The following ZGRF1 variants were observed in gnomAD, a reference collection of about 807,000 sequenced individuals.
ZGRF1 encodes the protein 5'-3' DNA helicase ZGRF1.
A neutral mutation model predicts 203.5 loss-of-function variants in ZGRF1; 196 were observed. That is an observed-to-expected ratio of 0.96 (90% CI 0.86 to 1.08). The LOEUF is 1.08. Among genes scored for constraint, ZGRF1 ranks in the 50% least tolerant of loss-of-function variants. ZGRF1 has a pLI of 0.00. For synonymous variants in ZGRF1, 809 were observed against 841.3 expected (o/e 0.96, Z 0.66); for missense variants, 2,326 against 2,416.3 (o/e 0.96, Z 0.78).
At chr4:112,551,102 C>G (rs535040395) in intron 22 of ZGRF1, among the ~76,000 whole-genome samples, 1 of 152,212 alleles carries the variant, frequency 6.6e-6, no homozygotes, top group South Asian at 2.1e-4. Context: ...TACAGGTGTA[C>G]CATTTTAAAT....
At chr4:112,635,348 C>A (rs1173389134) in intron 1 of ZGRF1, among the ~76,000 whole-genome samples, 1 of 151,918 alleles carries the variant, frequency 6.6e-6, no homozygotes, top group Non-Finnish European at 1.5e-5. Context: ...TAATAGCTAC[C>A]ATTTATTCAG....
Position 112,550,203 on chromosome 4 carries a change from A to C in ZGRF1, c.5347-1823T>G, listed in dbSNP as rs907056705. Among the ~76,000 whole-genome samples the C allele has an allele frequency of 2.7e-5, 4 of 150,850 alleles. No homozygotes were observed. The East Asian group carries it at 7.7e-4, about 29-fold the overall frequency. Reference sequence around the variant, plus strand: ...CGAGACTCCATCTCAAAAAAAAAACAACAAAAAAAACTTTCTAGTGGGACA... The same window carrying C: ...CGAGACTCCATCTCAAAAAAAAAACCACAAAAAAAACTTTCTAGTGGGACA... On this transcript the variant is annotated intron_variant, in intron 22 of 27. Transcript: ENST00000505019.
chr4:112,625,722 C>T lies in ZGRF1; in HGVS notation c.103-1846G>A, dbSNP rs1223651795. On this transcript the variant is annotated intron_variant, in intron 3 of 27. Coordinates refer to ENST00000505019, the MANE Select transcript of ZGRF1 (RefSeq NM_018392.5). ...GACCAGCCTGACCAACACGGAGAAACCCCGTCTCTACTAAAATACAAAATT... is the reference window on the plus strand; with the variant it reads ...GACCAGCCTGACCAACACGGAGAAATCCCGTCTCTACTAAAATACAAAATT... Among the ~76,000 whole-genome samples, 4 of 151,424 alleles carry T rather than the reference C, an allele frequency of 2.6e-5. No individual in the cohort carries two copies. In the East Asian group the frequency reaches 5.8e-4, roughly 22 times the overall value.
At chr4:112,544,711 T>C (rs1471354061) in intron 24 of ZGRF1, among the ~76,000 whole-genome samples, 4 of 152,230 alleles carry the variant, frequency 2.6e-5, no homozygotes, top group African/African-American at 7.2e-5. Context: ...AGTGTTTATA[T>C]AGTTGTATAG....
intron 7 of ZGRF1, among the ~76,000 whole-genome samples, 198 bp downstream of exon 7, chr4:112,612,326 G>C (rs2046713123): frequency 6.6e-6 from 1 of 152,090 alleles, no homozygotes; most frequent in Non-Finnish European, 1.5e-5. Flanking sequence ...TACTTGAGTT[G>C]CTTAATACTA....
Position 112,620,193 on chromosome 4 carries a change from G to C in ZGRF1, c.163-3C>G, listed in dbSNP as rs575413969. On this transcript the variant is annotated splice_region_variant and splice_polypyrimidine_tract_variant and intron_variant, in intron 4 of 27. Coordinates refer to ENST00000505019, the MANE Select transcript of ZGRF1 (RefSeq NM_018392.5). ...TCTAAGTCATCTCCAGGTTTCACCT[G>C]AAAGAATAAATGTCAAAATCACATA... 1.3e-5 allele frequency: 21 copies of C among 1,593,474 alleles called. No individual in the cohort carries two copies. The South Asian group carries it at 2.3e-4, about 17-fold the overall frequency.
At chr4:112,547,551 T>C (rs949267814) in intron 23 of ZGRF1, 143 bp from the exon 24 acceptor site, 3 of 705,840 alleles carry the variant, frequency 4.3e-6, no homozygotes, top group African/African-American at 3.6e-5. Context: ...AGTAGTGCTA[T>C]TAAGCGCATT....
At chr4:112,589,483 G>T in intron 11 of ZGRF1, 1 of 529,752 alleles carries the variant, frequency 1.9e-6, no homozygotes, top group South Asian at 3.3e-5. Context: ...ATACTTTCAG[G>T]GGTCTGTGTT....
At position 112,593,895 on chromosome 4, in the gene ZGRF1, C is replaced by G. The variant is rs74619541; in HGVS notation, c.2977-4021G>C. The stretch of plus-strand genomic sequence containing the variant: ...CGTCCCACCCCCGCCTCCTGAGTAG[C>G]TGGCACTACAGTTGTGTGACACCAC... On this transcript the variant is annotated intron_variant, in intron 10 of 27. Coordinates refer to ENST00000505019, the MANE Select transcript of ZGRF1 (RefSeq NM_018392.5). Among the ~76,000 whole-genome samples the G allele has an allele frequency of 7.1e-3, 1,077 of 151,974 alleles. 32 individuals carry two copies. In the East Asian group the frequency reaches 0.092, roughly 13 times the overall value.
At position 112,547,341 on chromosome 4, in the gene ZGRF1, C is replaced by T. The variant is rs1327606500; in HGVS notation, c.5542G>A (p.Asp1848Asn). 5 of 1,613,584 alleles carry T rather than the reference C, an allele frequency of 3.1e-6. No homozygotes were observed. In the African/African-American group the frequency reaches 6.7e-5, roughly 22 times the overall value. Residue 1848 changes from aspartate (D) to asparagine (N), a missense_variant, in exon 24 of 28, where the codon GAT (aspartate) becomes AAT (asparagine). Physicochemically the swap from Asp to Asn is conservative, Grantham distance 23. Coordinates refer to ENST00000505019, the MANE Select transcript of ZGRF1 (RefSeq NM_018392.5). Reference sequence around the variant, plus strand: ...TCCAATCCATTTTCATGAGCTGCATCAGAACCCTGAATAGTAGGAGGTAGC... The same window carrying T: ...TCCAATCCATTTTCATGAGCTGCATTAGAACCCTGAATAGTAGGAGGTAGC... ...KQLPPTIQGS[D>N]AAHENGLEQT...
intron 3 of ZGRF1, among the ~76,000 whole-genome samples, chr4:112,627,008 G>A (rs564064220): frequency 4.5e-4 from 69 of 152,130 alleles, no homozygotes; most frequent in Non-Finnish European, 7.9e-4. Context: ...GTTTCACCAC[G>A]TTAACCAGGC....
chr4:112,561,753 T>C (rs1742019941), intron 18 of ZGRF1, among the ~76,000 whole-genome samples: 1 of 152,064 alleles, frequency 6.6e-6, no homozygotes, highest in Admixed American at 6.6e-5. Context: ...TTCCTTTAAA[T>C]GTTAAATAAT....
At chr4:112,628,718 C>T in intron 3 of ZGRF1, 1 of 453,648 alleles carries the variant, frequency 2.2e-6, no homozygotes, top group Non-Finnish European at 4.4e-6. Context: ...CAAATGTATG[C>T]TATAGTTGAA....
At chr4:112,592,169 C>T (rs139149758) in intron 10 of ZGRF1, among the ~76,000 whole-genome samples, 11 of 149,508 alleles carry the variant, frequency 7.4e-5, no homozygotes, top group African/African-American at 2.7e-4. Context: ...GTGATCTCAG[C>T]TCACTGCAAC....
chr4:112,559,840 C>T (rs776282468), intron 19 of ZGRF1, among the ~76,000 whole-genome samples: 1 of 152,128 alleles, frequency 6.6e-6, no homozygotes, highest in Non-Finnish European at 1.5e-5. Flanking sequence ...CACACTCTTA[C>T]CCACTAGGCT....
In ZGRF1 at chr4:112,573,195, CACACA is replaced by C. The variant is rs1560784083; in HGVS notation, c.4438+8463_4438+8467del. Reference sequence around the variant, plus strand: ...ACACACACACACACACACACACACACACACACCCATGGAATACTATTCAGCCATAA... The same window carrying C: ...ACACACACACACACACACACACACACCCCATGGAATACTATTCAGCCATAA... On this transcript the variant is annotated intron_variant, in intron 16 of 27. Transcript: ENST00000505019. Among the ~76,000 whole-genome samples, 627 of 151,818 alleles carry C rather than the reference CACACA, an allele frequency of 4.1e-3. 6 individuals are homozygous for C. Among genetic ancestry groups the C allele is most frequent in the African/African-American group, 0.014 (583 of 41,450 alleles).
chr4:112,634,033 A>G (rs575933200), intron 1 of ZGRF1, among the ~76,000 whole-genome samples: 131 of 152,342 alleles, frequency 8.6e-4, no homozygotes, highest in Middle Eastern at 3.4e-3. Flanking sequence ...AAAGACCTAG[A>G]AGGATTCAAT....
intron 10 of ZGRF1, among the ~76,000 whole-genome samples, chr4:112,600,459 C>T (rs1042140015): frequency 3.3e-5 from 5 of 152,150 alleles, no homozygotes; most frequent in East Asian, 1.9e-4. Flanking sequence ...TTTGGGAGGC[C>T]GAAGCAAGCG....
chr4:112,543,884 A>G (rs1738215527), intron 24 of ZGRF1, among the ~76,000 whole-genome samples: 1 of 152,122 alleles, frequency 6.6e-6, no homozygotes. Context: ...GCAGGGTCAG[A>G]GCTCCGGTGC....
Sources: allele counts gnomAD v4.1 joint callset (sites outside exome capture counted in the v4.1 genomes callset), GRCh38; gene constraint gnomAD v4.1.1; transcripts MANE v1.5; gene names NCBI Gene and HGNC (gene_info 2026-07-23, HGNC 2026-07-21).